CXXC5: variants seen among roughly 807,000 people sequenced by gnomAD.
The protein encoded by CXXC5 is CXXC-type zinc finger protein 5.
In CXXC5, 2 loss-of-function variants were observed where a neutral mutation model predicts 17.6. The observed-to-expected ratio is 0.11, with a 90% CI of 0.05 to 0.36. The LOEUF is 0.36. Among genes scored for constraint, CXXC5 ranks in the 10% least tolerant of loss-of-function variants. The probability of loss-of-function intolerance (pLI) is 1.00; values close to 1 mark genes in which losing one functional copy is unlikely to be tolerated. For synonymous variants in CXXC5, 171 were observed against 193.0 expected, an observed-to-expected ratio of 0.89 and a Z score of 0.94; for missense variants, 343 against 458.3, an observed-to-expected ratio of 0.75 and a Z score of 2.30.
chr5:139,649,960 C>T (rs1755077323), intron 1 of CXXC5, among the ~76,000 whole-genome samples: 1 of 152,256 alleles, frequency 6.6e-6, no homozygotes, highest in Middle Eastern at 3.2e-3. Flanking sequence ...CGGGGTGCGC[C>T]TGGCTTTGTT....
intron 1 of CXXC5, among the ~76,000 whole-genome samples, chr5:139,650,545 G>A (rs1464317331): frequency 2.0e-5 from 3 of 152,244 alleles, no homozygotes; most frequent in Non-Finnish European, 4.4e-5. Context: ...CCTGGCGGGG[G>A]CTGCGAGCGC....
intron 1 of CXXC5, among the ~76,000 whole-genome samples, chr5:139,656,712 ATTTTGT>A (rs776438335): frequency 5.9e-5 from 9 of 151,962 alleles, no homozygotes; most frequent in Admixed American, 1.3e-4. Context: ...GTTAACTGCT[ATTTTGT>A]TTTTGTTTTT....
rs1193639944 is a variant in CXXC5, at chr5:139,663,456, T to A, written c.-161+14611T>A. ...GAGGGAGGTAGGAGGAAAGGCTGTC[T>A]AGAAGTGTAGGTAGGCCTTCTTCCT... On this transcript the variant is annotated intron_variant, in intron 1 of 2. Coordinates refer to ENST00000302517, the MANE Select transcript of CXXC5 (RefSeq NM_016463.9). The surrounding 1 kb of genome is among the most constrained non-coding windows in gnomAD (Gnocchi z 4.2). Among the ~76,000 whole-genome samples, 1 of 152,094 alleles carries A rather than the reference T, an allele frequency of 6.6e-6. No individual in the cohort carries two copies. Among genetic ancestry groups the A allele is most frequent in the African/African-American group, 2.4e-5 (1 of 41,388 alleles).
intron 1 of CXXC5, among the ~76,000 whole-genome samples, chr5:139,651,749 G>A (rs1197892563): frequency 1.3e-5 from 2 of 152,014 alleles, no homozygotes; most frequent in Non-Finnish European, 2.9e-5. Context: ...GAGGAATGAG[G>A]GAATACGGGT....
chr5:139,657,007 G>A (rs1755529454), intron 1 of CXXC5, among the ~76,000 whole-genome samples: 1 of 152,230 alleles, frequency 6.6e-6, no homozygotes, highest in East Asian at 1.9e-4. Context: ...TTACAGGCGT[G>A]AGCCACCACC....
rs1390960479 is a variant in CXXC5, at chr5:139,668,199, T to C, written c.-160-12165T>C. ...CCATGAATCATTTATGAGGCAAAAA[T>C]GAAACCAATTAAGGACAAACTTTGA... On this transcript the variant is annotated intron_variant, in intron 1 of 2. Coordinates refer to ENST00000302517, the MANE Select transcript of CXXC5 (RefSeq NM_016463.9). This position sits in a 1 kb window ranked among gnomAD's most constrained non-coding sequence, Gnocchi z 4.1. 6.6e-6 allele frequency among the ~76,000 whole-genome samples: 1 copy of C among 152,022 alleles called. No homozygotes were observed. Among genetic ancestry groups the C allele is most frequent in the Non-Finnish European group, 1.5e-5 (1 of 68,018 alleles).
intron 1 of CXXC5, among the ~76,000 whole-genome samples, chr5:139,677,422 T>G (rs953833256): frequency 6.6e-6 from 1 of 152,162 alleles, no homozygotes; most frequent in Non-Finnish European, 1.5e-5. Flanking sequence ...ATGGGGCTTT[T>G]GGTCAGGGGT....
At chr5:139,676,705 T>C (rs1356368262) in intron 1 of CXXC5, among the ~76,000 whole-genome samples, 1 of 149,582 alleles carries the variant, frequency 6.7e-6, no homozygotes, top group African/African-American at 2.5e-5. Flanking sequence ...CCTTCTGGGA[T>C]TCCCTCCTTA....
chr5:139,661,376 A>G lies in CXXC5; in HGVS notation c.-161+12531A>G, dbSNP rs993547599. 6.6e-6 allele frequency among the ~76,000 whole-genome samples: 1 copy of G among 152,104 alleles called. No individual in the cohort carries two copies. Among genetic ancestry groups the G allele is most frequent in the African/African-American group, 2.4e-5 (1 of 41,414 alleles). On this transcript the variant is annotated intron_variant, in intron 1 of 2. Coordinates refer to ENST00000302517, the MANE Select transcript of CXXC5 (RefSeq NM_016463.9). This position sits in a 1 kb window ranked among gnomAD's most constrained non-coding sequence, Gnocchi z 4.7. ...CCAGGCACACACTTAGGACAGACAC[A>G]GTCACTTGCAGCACACGTAGTTCCA...
intron 1 of CXXC5, among the ~76,000 whole-genome samples, chr5:139,650,651 G>A (rs1755120363): frequency 6.6e-6 from 1 of 152,186 alleles, no homozygotes; most frequent in Admixed American, 6.5e-5. Flanking sequence ...CTTTGCAGTT[G>A]GGAGTATTTA....
intron 1 of CXXC5, among the ~76,000 whole-genome samples, chr5:139,673,580 G>T (rs530742347): frequency 6.6e-6 from 1 of 152,198 alleles, no homozygotes; most frequent in Non-Finnish European, 1.5e-5. Flanking sequence ...GGTGGCTCAC[G>T]CCTGTAACCC....
chr5:139,656,490 C>T (rs1186087716), intron 1 of CXXC5, among the ~76,000 whole-genome samples: 1 of 152,242 alleles, frequency 6.6e-6, no homozygotes, highest in Non-Finnish European at 1.5e-5. Context: ...CCCATGAAAA[C>T]ATGCTGGCTT....
intron 1 of CXXC5, among the ~76,000 whole-genome samples, chr5:139,657,216 G>A (rs1366677671): frequency 6.6e-6 from 1 of 152,230 alleles, no homozygotes; most frequent in Non-Finnish European, 1.5e-5. Flanking sequence ...ATACAGATAA[G>A]GAAACTGAGG....
chr5:139,648,596 C>T lies in CXXC5; in HGVS notation c.-410C>T, dbSNP rs954506959. 6.6e-6 allele frequency: 1 copy of T among 151,366 alleles called. No individual in the cohort carries two copies. Among genetic ancestry groups the T allele is most frequent in the Non-Finnish European group, 1.5e-5 (1 of 67,778 alleles). The allele number at this position is 151,366 out of a possible 1,614,324, so 9.4% of individuals were successfully genotyped here. A position where few individuals can be genotyped will look rare whatever the true frequency, so the allele number is the denominator to read the frequency against. On this transcript the variant is annotated 5_prime_UTR_variant, in exon 1 of 3. Transcript: ENST00000302517. ...CGCTCAGCTCGGGGGTGATTAGTTG[C>T]TTTTTGTTGTTTTTTAATTTGGGCC...
chr5:139,682,183 T>C (rs551296751), intron 2 of CXXC5, among the ~76,000 whole-genome samples: 126 of 152,320 alleles, frequency 8.3e-4, no homozygotes, highest in African/African-American at 2.8e-3. Context: ...GTGCCAGGCC[T>C]GGGTACAAAA....
intron 2 of CXXC5, 97 bp downstream of exon 2, chr5:139,681,544 A>G: frequency 7.0e-7 from 1 of 1,432,712 alleles, no homozygotes; most frequent in Non-Finnish European, 9.3e-7. Flanking sequence ...TACCTGGGCA[A>G]GTGTCTGGGG....
At chr5:139,674,217 T>A (rs1321520823) in intron 1 of CXXC5, among the ~76,000 whole-genome samples, 3 of 152,118 alleles carry the variant, frequency 2.0e-5, no homozygotes, top group Non-Finnish European at 4.4e-5. Context: ...TCTTTTTCCC[T>A]CTGGAAACTC....
chr5:139,677,812 C>T (rs144383773), intron 1 of CXXC5, among the ~76,000 whole-genome samples: 107 of 152,340 alleles, frequency 7.0e-4, no homozygotes, highest in Middle Eastern at 3.4e-3. Flanking sequence ...AGACTCAGGA[C>T]GGAGACAAAA....
At chr5:139,652,962 T>G (rs1206620976) in intron 1 of CXXC5, among the ~76,000 whole-genome samples, 2 of 152,216 alleles carry the variant, frequency 1.3e-5, no homozygotes, top group Admixed American at 6.5e-5. Flanking sequence ...CAGTGGTTTC[T>G]CTCTGTCTGT....
Sources: allele counts gnomAD v4.1 joint callset (sites outside exome capture counted in the v4.1 genomes callset), GRCh38; gene constraint gnomAD v4.1.1; non-coding constraint Gnocchi (gnomAD v3.1); transcripts MANE v1.5; gene names NCBI Gene and HGNC (gene_info 2026-07-23, HGNC 2026-07-21).